TSPAN15: variants seen among roughly 807,000 people sequenced by gnomAD.
TSPAN15 encodes the protein tetraspanin-15.
TSPAN15 carries 20 observed loss-of-function variants against 34.5 expected under a neutral mutation model. The observed-to-expected ratio is 0.58, with a 90% CI of 0.41 to 0.84. TSPAN15 has a LOEUF of 0.84. Ranked by LOEUF, TSPAN15 falls within the 40% of genes least tolerant of loss-of-function variation. The pLI, the probability that TSPAN15 is intolerant of heterozygous loss-of-function variation, is 0.00. For synonymous variants in TSPAN15, 155 were observed against 153.9 expected, an observed-to-expected ratio of 1.01 and a Z score of -0.05; for missense variants, 313 against 386.1, an observed-to-expected ratio of 0.81 and a Z score of 1.59.
At position 69,506,391 on chromosome 10, in the gene TSPAN15, A is replaced by G; in HGVS notation, c.735+151A>G. The G allele has an allele frequency of 1.4e-6, 1 of 693,626 alleles. No individual in the cohort carries two copies. Among genetic ancestry groups the G allele is most frequent in the Middle Eastern group, 2.5e-4 (1 of 4,062 alleles). The allele number at this position is 693,626 out of a possible 1,614,324, so 43.0% of individuals were successfully genotyped here. A position where few individuals can be genotyped will look rare whatever the true frequency, so the allele number is the denominator to read the frequency against. ...TGGCTGGAAGGAGGGGCAAATGGCA[A>G]TAGCAGTCGTGGCGAAGCTCTTCCA... is the stretch of plus-strand genomic sequence containing the variant. On this transcript the variant is annotated intron_variant, in intron 7 of 7. Transcript: ENST00000373290. This position sits in a 1 kb window ranked among gnomAD's most constrained non-coding sequence, Gnocchi z 4.7.
chr10:69,468,013 A>G (rs1841425182), intron 1 of TSPAN15, among the ~76,000 whole-genome samples: 1 of 152,116 alleles, frequency 6.6e-6, no homozygotes, highest in African/African-American at 2.4e-5. Flanking sequence ...TCCAAGACCT[A>G]CCGGGGCCAG....
the TSPAN15 span, among the ~76,000 whole-genome samples, chr10:69,530,818 C>A: frequency 0.012 from 509 of 41,972 alleles, no homozygotes; most frequent in Non-Finnish European, 0.015. Flanking sequence ...CTCTCTCTCT[C>A]TCTATATATA....
the TSPAN15 span, among the ~76,000 whole-genome samples, chr10:69,544,807 C>T: frequency 1.3e-5 from 2 of 152,218 alleles, no homozygotes; most frequent in East Asian, 3.9e-4. Context: ...CCCGCTCTCC[C>T]TCCCCTTCGA....
intron 1 of TSPAN15, among the ~76,000 whole-genome samples, chr10:69,464,408 G>C (rs1272077082): frequency 2.0e-5 from 3 of 152,262 alleles, no homozygotes; most frequent in African/African-American, 7.2e-5. Flanking sequence ...GTTGGGGGAG[G>C]AGTGAGACTG....
At chr10:69,491,183 C>A (rs1257999907) in intron 3 of TSPAN15, among the ~76,000 whole-genome samples, 1 of 152,230 alleles carries the variant, frequency 6.6e-6, no homozygotes, top group African/African-American at 2.4e-5. Context: ...TCTCCTGGTC[C>A]CCTGGGTTCT....
At chr10:69,530,545 C>T in the TSPAN15 span, among the ~76,000 whole-genome samples, 1 of 146,566 alleles carries the variant, frequency 6.8e-6, no homozygotes, top group Non-Finnish European at 1.5e-5. Flanking sequence ...GTGGCTCACG[C>T]CTGTAATCCC....
chr10:69,530,779 A>ACTCTCTTTCTCTCTCTCTCTCT, the TSPAN15 span, among the ~76,000 whole-genome samples: 2 of 50,024 alleles, frequency 4.0e-5, 1 homozygote, highest in Non-Finnish European at 7.7e-5. Context: ...ACAGAGTGAG[A>ACTCTCTTTCTCTCTCTCTCTCT]CTCTCTCTCT....
At chr10:69,514,423 G>T in the TSPAN15 span, among the ~76,000 whole-genome samples, 1 of 152,170 alleles carries the variant, frequency 6.6e-6, no homozygotes, top group African/African-American at 2.4e-5. Context: ...AGAGTTTGTA[G>T]AATTGGTGGT....
At position 69,451,659 on chromosome 10, in the gene TSPAN15, T is replaced by C; in HGVS notation, c.65T>C (p.Phe22Ser). The C allele has an allele frequency of 6.5e-7, 1 of 1,545,420 alleles. No homozygotes were observed. The highest frequency in any genetic ancestry group is 8.7e-7 in the Non-Finnish European group (1 of 1,144,220). The change falls in exon 1 of 8, where the codon TTT (phenylalanine) becomes TCT (serine). Residue 22 changes from phenylalanine (F) to serine (S), a missense_variant. Transcript: ENST00000373290. The stretch of plus-strand genomic sequence containing the variant: ...CGCTTCTCCTACCTCTGGCTCAAGT[T>C]TTCACTTATCATCTATTCCACCGTG... ...CARFSYLWLK[F>S]SLIIYSTVFW... is the part of the protein sequence containing the mutation.
the TSPAN15 span, among the ~76,000 whole-genome samples, chr10:69,517,657 G>T: frequency 2.6e-5 from 4 of 152,204 alleles, no homozygotes; most frequent in African/African-American, 9.7e-5. Flanking sequence ...CATGGTGCCT[G>T]GGGGATCAGA....
the TSPAN15 span, among the ~76,000 whole-genome samples, chr10:69,531,501 A>C: frequency 1.3e-5 from 2 of 152,150 alleles, no homozygotes; most frequent in Non-Finnish European, 2.9e-5. Flanking sequence ...CAGGAGGCTG[A>C]GGTGGGAGGA....
intron 1 of TSPAN15, among the ~76,000 whole-genome samples, chr10:69,456,118 C>T (rs190517102): frequency 2.4e-4 from 36 of 150,636 alleles, no homozygotes; most frequent in African/African-American, 7.6e-4. Context: ...GACAGAGCCT[C>T]GCTCTTTCAC....
At chr10:69,477,866 GT>G (rs1313804952) in intron 1 of TSPAN15, among the ~76,000 whole-genome samples, 1 of 152,190 alleles carries the variant, frequency 6.6e-6, no homozygotes, top group Non-Finnish European at 1.5e-5. Flanking sequence ...AACGAGATTA[GT>G]TGTTCCTTGG....
At chr10:69,491,348 C>T (rs573549609) in intron 3 of TSPAN15, among the ~76,000 whole-genome samples, 269 of 152,256 alleles carry the variant, frequency 1.8e-3, no homozygotes, top group South Asian at 3.9e-3. Context: ...AAATCCTGGG[C>T]CAAGCACCTC....
At position 69,494,751 on chromosome 10, in the gene TSPAN15, G is replaced by A. The variant is rs1428379715; in HGVS notation, c.358-843G>A. On this transcript the variant is annotated intron_variant, in intron 3 of 7. Coordinates refer to ENST00000373290, the MANE Select transcript of TSPAN15 (RefSeq NM_012339.5). ...GGCTCTTCAGTCTGGCACCGGAGCC[G>A]AGAATGCCCCCTTCGTCCCCAGTCT... is the stretch of plus-strand genomic sequence containing the variant. 1.1e-5 allele frequency: 11 copies of A among 985,276 alleles called. No individual in the cohort carries two copies. The East Asian group carries it at 4.5e-4, about 41-fold the overall frequency. 61.0% of individuals were successfully genotyped at this position (985,276 alleles called of 1,614,324 possible).
At chr10:69,498,432 G>A (rs1315029007) in intron 5 of TSPAN15, 36 bp downstream of exon 5, 13 of 1,534,872 alleles carry the variant, frequency 8.5e-6, no homozygotes, top group African/African-American at 1.4e-5. Flanking sequence ...GGGGGCTGTC[G>A]GGGACCCCAG....
intron 1 of TSPAN15, among the ~76,000 whole-genome samples, chr10:69,453,013 A>G (rs1841008188): frequency 6.6e-6 from 1 of 152,208 alleles, no homozygotes; most frequent in Non-Finnish European, 1.5e-5. Flanking sequence ...TGGATATCTT[A>G]GGCAAGTCAC....
chr10:69,485,247 G>T, intron 3 of TSPAN15, 32 bp downstream of exon 3: 1 of 1,605,270 alleles, frequency 6.2e-7, no homozygotes, highest in Non-Finnish European at 8.5e-7. Context: ...TCGGCCATGT[G>T]TGTATGGAGC....
At position 69,496,179 on chromosome 10, in the gene TSPAN15, A is replaced by C. The variant is rs151116551; in HGVS notation, c.453+490A>C. 9.9e-5 allele frequency among the ~76,000 whole-genome samples: 15 copies of C among 152,112 alleles called. No homozygotes were observed. The East Asian group carries it at 2.9e-3, about 29-fold the overall frequency. On this transcript the variant is annotated intron_variant, in intron 4 of 7. Coordinates refer to ENST00000373290, the MANE Select transcript of TSPAN15 (RefSeq NM_012339.5). ...ATCCCTGATTGGGAGAAAGTTCTTC[A>C]CTAATTTCAGTTTCCCCCAAATATG...
Sources: gnomAD v4.1 joint callset for allele counts (sites outside exome capture counted in the v4.1 genomes callset) on GRCh38, gnomAD v4.1.1 for gene constraint, Gnocchi (gnomAD v3.1) non-coding constraint, MANE v1.5 for transcripts, NCBI Gene and HGNC (gene_info 2026-07-23, HGNC 2026-07-21) for gene names.